Variants in PIEZO2 observed in about 807,000 individuals in gnomAD.
PIEZO2 encodes piezo-type mechanosensitive ion channel component 2.
In PIEZO2, 172 loss-of-function variants were observed where a neutral mutation model predicts 337.3. The ratio of observed to expected loss-of-function variants is 0.51; its 90% confidence interval spans 0.45 to 0.58. The LOEUF (loss-of-function observed/expected upper bound fraction) is 0.58. Ranked by LOEUF, PIEZO2 falls within the 20% of genes least tolerant of loss-of-function variation. The probability of loss-of-function intolerance (pLI) is 0.00; values close to 1 mark genes in which losing one functional copy is unlikely to be tolerated. For synonymous variants in PIEZO2, 1,251 were observed against 1,228.5 expected, an observed-to-expected ratio of 1.02 and a Z score of -0.38; for missense variants, 3,028 against 3,391.3, an observed-to-expected ratio of 0.89 and a Z score of 2.66.
intron 4 of PIEZO2, among the ~76,000 whole-genome samples, chr18:10,896,128 A>G (rs1011150379): frequency 3.3e-5 from 5 of 152,146 alleles, no homozygotes; most frequent in African/African-American, 1.2e-4. Flanking sequence ...GCCAATGTGC[A>G]GATGACTCAG....
intron 3 of PIEZO2, among the ~76,000 whole-genome samples, chr18:10,927,802 T>C (rs1021194591): frequency 1.3e-5 from 2 of 152,172 alleles, no homozygotes; most frequent in African/African-American, 4.8e-5. Flanking sequence ...TAGTGCTGTC[T>C]ACAACTCGTA....
At chr18:10,722,077 G>T (rs1433149384) in intron 36 of PIEZO2, among the ~76,000 whole-genome samples, 1 of 150,860 alleles carries the variant, frequency 6.6e-6, no homozygotes, top group Non-Finnish European at 1.5e-5. Flanking sequence ...CTTGAACTCG[G>T]GAGACGGAGG....
chr18:10,990,480 G>A (rs943118700), intron 2 of PIEZO2, among the ~76,000 whole-genome samples: 1 of 151,882 alleles, frequency 6.6e-6, no homozygotes, highest in Non-Finnish European at 1.5e-5. Flanking sequence ...GAACATTCTG[G>A]GCCTTGGTCT....
intron 29 of PIEZO2, 97 bp downstream of exon 29, chr18:10,749,994 A>G (rs766985282): frequency 1.0e-5 from 9 of 883,716 alleles, no homozygotes; most frequent in Non-Finnish European, 1.6e-5. Flanking sequence ...CCCCACTTTT[A>G]TATCTTTATG....
At chr18:10,938,845 G>A (rs1272732151) in intron 3 of PIEZO2, among the ~76,000 whole-genome samples, 2 of 152,162 alleles carry the variant, frequency 1.3e-5, no homozygotes, top group African/African-American at 4.8e-5. Context: ...CCAGCACTTT[G>A]GGAGGCTGAG....
chr18:10,848,867 G>C (rs1470330706), intron 7 of PIEZO2, among the ~76,000 whole-genome samples: 1 of 152,114 alleles, frequency 6.6e-6, no homozygotes, highest in Non-Finnish European at 1.5e-5. Context: ...GGAAATCATA[G>C]GCATCCATTT....
intron 3 of PIEZO2, among the ~76,000 whole-genome samples, chr18:10,938,696 ATTAAT>A: frequency 6.6e-6 from 1 of 152,258 alleles, no homozygotes; most frequent in Non-Finnish European, 1.5e-5. Context: ...ATATTTATAA[ATTAAT>A]TTATGTTGAA....
At chr18:10,832,240 C>CA (rs993255298) in intron 7 of PIEZO2, among the ~76,000 whole-genome samples, 1 of 151,466 alleles carries the variant, frequency 6.6e-6, no homozygotes, top group African/African-American at 2.4e-5. Flanking sequence ...GACTCTGTCT[C>CA]AAAAAAACAA....
chr18:10,724,945 G>T lies in PIEZO2; in HGVS notation c.5029+6462C>A. 6.3e-7 allele frequency: 1 copy of T among 1,597,612 alleles called. No individual in the cohort carries two copies. Among genetic ancestry groups the T allele is most frequent in the Non-Finnish European group, 8.6e-7 (1 of 1,169,376 alleles). ...ACCTGGACGGCGATGGAACCCAGGTGGGCGCACCCTGCGGCCTGCAGCCTC... is the reference window on the plus strand; with the variant it reads ...ACCTGGACGGCGATGGAACCCAGGTTGGCGCACCCTGCGGCCTGCAGCCTC... On this transcript the variant is annotated intron_variant, in intron 36 of 55. Coordinates refer to ENST00000674853, the MANE Select transcript of PIEZO2 (RefSeq NM_001378183.1). The surrounding 1 kb of genome is among the most constrained non-coding windows in gnomAD (Gnocchi z 5.8).
chr18:11,070,733 C>T lies in PIEZO2; in HGVS notation c.65-4511G>A, dbSNP rs190674324. Among the ~76,000 whole-genome samples, 4 of 152,284 alleles carry T rather than the reference C, an allele frequency of 2.6e-5. No individual in the cohort carries two copies. The highest frequency in any genetic ancestry group is 2.6e-4 in the Admixed American group (4 of 15,300). On this transcript the variant is annotated intron_variant, in intron 1 of 55. Coordinates refer to ENST00000674853, the MANE Select transcript of PIEZO2 (RefSeq NM_001378183.1). This position sits in a 1 kb window ranked among gnomAD's most constrained non-coding sequence, Gnocchi z 4.3. Reference sequence around the variant, plus strand: ...CTATGGAAGTGCAGTGAACGTGCTGCCACAACCAGGAAGCTGGAAGCAAGA... The same window carrying T: ...CTATGGAAGTGCAGTGAACGTGCTGTCACAACCAGGAAGCTGGAAGCAAGA...
intron 1 of PIEZO2, among the ~76,000 whole-genome samples, chr18:11,136,682 TC>T (rs1247515414): frequency 1.3e-5 from 2 of 152,054 alleles, no homozygotes; most frequent in Non-Finnish European, 2.9e-5. Context: ...AACAGGAAGC[TC>T]ACACCCCCAC....
At chr18:10,699,377 C>T (rs902992593) in intron 43 of PIEZO2, among the ~76,000 whole-genome samples, 200 bp from the exon 44 acceptor site, 6 of 152,124 alleles carry the variant, frequency 3.9e-5, no homozygotes, top group East Asian at 1.9e-4. Context: ...TGAGTCATGG[C>T]GGCAGGTCTT....
rs982027636 is a variant in PIEZO2, at chr18:10,969,229, G to A, written c.286+10306C>T. 6.6e-6 allele frequency among the ~76,000 whole-genome samples: 1 copy of A among 152,146 alleles called. No homozygotes were observed. Among genetic ancestry groups the A allele is most frequent in the Non-Finnish European group, 1.5e-5 (1 of 68,022 alleles). On this transcript the variant is annotated intron_variant, in intron 3 of 55. Coordinates refer to ENST00000674853, the MANE Select transcript of PIEZO2 (RefSeq NM_001378183.1). This position sits in a 1 kb window ranked among gnomAD's most constrained non-coding sequence, Gnocchi z 4.5. ...TTACTTCCATACCACACGGACTTGC[G>A]TTAGTGCTTTTATTGTAAATAATTT...
intron 4 of PIEZO2, among the ~76,000 whole-genome samples, chr18:10,874,313 A>T (rs1444029323): frequency 6.6e-6 from 1 of 152,104 alleles, no homozygotes; most frequent in Non-Finnish European, 1.5e-5. Flanking sequence ...AAGACAAAAA[A>T]AAATGCTGAC....
At chr18:10,688,601 C>T (rs999226819) in intron 49 of PIEZO2, among the ~76,000 whole-genome samples, 23 of 152,262 alleles carry the variant, frequency 1.5e-4, no homozygotes, top group African/African-American at 5.3e-4. Flanking sequence ...GGAGCTTTTG[C>T]CTACCTGTCT....
chr18:10,946,440 G>A (rs561272478), intron 3 of PIEZO2, among the ~76,000 whole-genome samples: 37 of 152,328 alleles, frequency 2.4e-4, no homozygotes, highest in Non-Finnish European at 4.3e-4. Flanking sequence ...CCACTCTGCA[G>A]CAACAAATCA....
At chr18:11,010,325 G>A (rs2035851103) in intron 2 of PIEZO2, among the ~76,000 whole-genome samples, 1 of 152,168 alleles carries the variant, frequency 6.6e-6, no homozygotes, top group Non-Finnish European at 1.5e-5. Context: ...CCAAAATGCT[G>A]CCTGTATGCT....
At chr18:10,749,312 T>C (rs1278032689) in intron 29 of PIEZO2, among the ~76,000 whole-genome samples, 1 of 151,920 alleles carries the variant, frequency 6.6e-6, no homozygotes, top group African/African-American at 2.4e-5. Flanking sequence ...CCAGGCATAG[T>C]GGTGCAGCTA....
chr18:10,871,598 A>T (rs1424933420), intron 4 of PIEZO2, among the ~76,000 whole-genome samples, 183 bp from the exon 5 acceptor site: 1 of 152,202 alleles, frequency 6.6e-6, no homozygotes, highest in African/African-American at 2.4e-5. Flanking sequence ...CACATTCAGG[A>T]AGATTCCAGT....
Sources: gnomAD v4.1 joint callset for allele counts (sites outside exome capture counted in the v4.1 genomes callset) on GRCh38, gnomAD v4.1.1 for gene constraint, Gnocchi (gnomAD v3.1) non-coding constraint, MANE v1.5 for transcripts, NCBI Gene and HGNC (gene_info 2026-07-23, HGNC 2026-07-21) for gene names.